USP45: variants seen among roughly 807,000 people sequenced by gnomAD.
USP45 encodes ubiquitin carboxyl-terminal hydrolase 45.
Under a neutral mutation model 95.8 loss-of-function variants are expected in USP45, and 89 were observed. The ratio of observed to expected loss-of-function variants is 0.93; its 90% CI spans 0.78 to 1.11. USP45 has a LOEUF of 1.11. Ranked by LOEUF, USP45 falls within the 50% of genes least tolerant of loss-of-function variation. The pLI, the probability that USP45 is intolerant of heterozygous loss-of-function variation, is 0.00. For missense variants in USP45, 898 were observed against 942.5 expected (o/e 0.95, Z 0.62); for synonymous variants, 281 against 316.2 (o/e 0.89, Z 1.18).
intron 13 of USP45, chr6:99,462,507 G>A: frequency 1.0e-6 from 1 of 985,102 alleles, no homozygotes; most frequent in Non-Finnish European, 1.2e-6. Context: ...CACAATTAAT[G>A]CTTTAACCTT....
chr6:99,509,209 T>C (rs1220964118), intron 2 of USP45, among the ~76,000 whole-genome samples: 1 of 152,190 alleles, frequency 6.6e-6, no homozygotes, highest in Non-Finnish European at 1.5e-5. Flanking sequence ...CCTAATTTAT[T>C]AGAGTTTAAA....
chr6:99,440,362 T>C (rs748812183), intron 15 of USP45, among the ~76,000 whole-genome samples: 2 of 152,190 alleles, frequency 1.3e-5, no homozygotes. Flanking sequence ...ATGCTATATA[T>C]TACATCAATA....
At chr6:99,455,096 A>C (rs573117402) in intron 13 of USP45, among the ~76,000 whole-genome samples, 21 of 150,948 alleles carry the variant, frequency 1.4e-4, no homozygotes, top group African/African-American at 4.9e-5. Context: ...TCTCAAAAAA[A>C]AAAAAACAAA....
At chr6:99,465,573 T>C (rs941379156) in intron 11 of USP45, among the ~76,000 whole-genome samples, 1 of 152,162 alleles carries the variant, frequency 6.6e-6, no homozygotes, top group Non-Finnish European at 1.5e-5. Flanking sequence ...ACTCTCTATC[T>C]TGTGAGAGAG....
intron 13 of USP45, among the ~76,000 whole-genome samples, chr6:99,449,265 C>A (rs1783285605): frequency 6.6e-6 from 1 of 152,124 alleles, no homozygotes; most frequent in South Asian, 2.1e-4. Context: ...GTGCTGTATT[C>A]AGGAGACCCA....
intron 5 of USP45, among the ~76,000 whole-genome samples, chr6:99,496,968 T>G (rs1308488774): frequency 2.0e-5 from 3 of 152,160 alleles, no homozygotes; most frequent in Non-Finnish European, 4.4e-5. Flanking sequence ...CAGGGTTCAC[T>G]CTTGGCAGTG....
intron 7 of USP45, among the ~76,000 whole-genome samples, chr6:99,483,566 C>T (rs1792957049): frequency 6.6e-6 from 1 of 152,240 alleles, no homozygotes; most frequent in Non-Finnish European, 1.5e-5. Flanking sequence ...CGGCCGGGCG[C>T]GGTGGCTCAC....
chr6:99,512,789 C>T (rs1180206421), intron 1 of USP45, among the ~76,000 whole-genome samples: 1 of 152,046 alleles, frequency 6.6e-6, no homozygotes, highest in African/African-American at 2.4e-5. Flanking sequence ...GTTCCTTGAG[C>T]ACTTCATCTC....
Position 99,488,189 on chromosome 6 carries a change from T to C in USP45, c.714+11A>G. The stretch of plus-strand genomic sequence containing the variant: ...CTGAAAGCAGCTATTATTCAAACAG[T>C]TATTACTCACCAGCTGAGAGTCTGA... On this transcript the variant is annotated intron_variant, in intron 7 of 17. Transcript: ENST00000500704. 1 of 1,577,298 alleles carries C rather than the reference T, an allele frequency of 6.3e-7. No individual in the cohort carries two copies. The highest frequency in any genetic ancestry group is 8.7e-7 in the Non-Finnish European group (1 of 1,148,242).
At position 99,446,114 on chromosome 6, in the gene USP45, T is replaced by G. The variant is rs555461597; in HGVS notation, c.1658A>C (p.Lys553Thr). 3.1e-6 allele frequency: 5 copies of G among 1,614,154 alleles called. No individual in the cohort carries two copies. The South Asian group carries it at 3.3e-5, about 11-fold the overall frequency. The change falls in exon 14 of 18, where the codon AAG (lysine) becomes ACG (threonine). Residue 553 changes from lysine (K) to threonine (T), a missense_variant. Transcript: ENST00000500704. Reference sequence around the variant, plus strand: ...TTCAGAAATAGCTTCTGCCATTTCCTTATCACCACTGTCAGTCTCCTTGGT... The same window carrying G: ...TTCAGAAATAGCTTCTGCCATTTCCGTATCACCACTGTCAGTCTCCTTGGT... The part of the protein sequence containing the change: ...LYTKETDSGD[K>T]EMAEAISELR...
Position 99,507,474 on chromosome 6 carries a change from T to C in USP45, c.331A>G (p.Thr111Ala). The C allele has an allele frequency of 6.2e-7, 1 of 1,613,488 alleles. No homozygotes were observed. The highest frequency in any genetic ancestry group is 1.1e-5 in the South Asian group (1 of 90,904). ...TTAATTATAATACAATGGGGCTCTG[T>C]TCTGGAACTCTTAAAGTGCTTCAAT... is the stretch of plus-strand genomic sequence containing the variant. ...HSLKHFKSSR[T>A]EPHCIIINLS... The change falls in exon 4 of 18, where the codon ACA (threonine) becomes GCA (alanine). Residue 111 changes from threonine to alanine, a missense_variant. Physicochemically the swap from Thr to Ala is moderately conservative, Grantham distance 58. Coordinates refer to ENST00000500704, the MANE Select transcript of USP45 (RefSeq NM_001346022.3).
intron 5 of USP45, among the ~76,000 whole-genome samples, chr6:99,495,544 AT>A (rs1339509550): frequency 6.6e-6 from 1 of 152,238 alleles, no homozygotes; most frequent in Admixed American, 6.5e-5. Context: ...AAACTGAGGT[AT>A]ACTGCTGGTT....
At chr6:99,441,718 G>A (rs927239100) in intron 15 of USP45, among the ~76,000 whole-genome samples, 2 of 152,036 alleles carry the variant, frequency 1.3e-5, no homozygotes, top group Admixed American at 1.3e-4. Context: ...ATTTTATTTT[G>A]CCTTTCTTTT....
At chr6:99,504,624 G>A (rs1312515958) in intron 4 of USP45, among the ~76,000 whole-genome samples, 1 of 152,098 alleles carries the variant, frequency 6.6e-6, no homozygotes, top group African/African-American at 2.4e-5. Context: ...GGAGGGAAAG[G>A]GAAGTGTCAA....
Position 99,466,347 on chromosome 6 carries a change from G to A in USP45, c.1107+325C>T, listed in dbSNP as rs994714294. On this transcript the variant is annotated intron_variant, in intron 11 of 17. Coordinates refer to ENST00000500704, the MANE Select transcript of USP45 (RefSeq NM_001346022.3). ...GAATTACATTTTAGGGCACTGCAAC[G>A]TAGCACAGTTACTCTCTTCACAGAA... is the stretch of plus-strand genomic sequence containing the variant. 4.6e-5 allele frequency among the ~76,000 whole-genome samples: 7 copies of A among 152,064 alleles called. 1 individual carries two copies. The highest frequency in any genetic ancestry group is 8.8e-5 in the Non-Finnish European group (6 of 67,990).
rs146737237 is a variant in USP45, at chr6:99,489,418, C to G, written c.479-598G>C. 9.4e-3 allele frequency among the ~76,000 whole-genome samples: 1,423 copies of G among 152,150 alleles called. 13 individuals carry two copies. Among genetic ancestry groups the G allele is most frequent in the South Asian group, 0.018 (88 of 4,818 alleles). On this transcript the variant is annotated intron_variant, in intron 5 of 17. Transcript: ENST00000500704. ...TGAGAAAAAGTAGGGAAGAGACTTC[C>G]TTATAAGAGAATGCCAGCTAATAGA...
At chr6:99,464,054 C>A (rs1787252496) in intron 13 of USP45, among the ~76,000 whole-genome samples, 1 of 151,860 alleles carries the variant, frequency 6.6e-6, no homozygotes, top group African/African-American at 2.4e-5. Context: ...CTCCTGTAAT[C>A]CCAGCGCTTT....
chr6:99,495,359 G>A (rs939267035), intron 5 of USP45, among the ~76,000 whole-genome samples: 91 of 152,336 alleles, frequency 6.0e-4, no homozygotes, highest in South Asian at 1.4e-3. Context: ...GTGTATTTGT[G>A]AATTGCCTTG....
intron 1 of USP45, among the ~76,000 whole-genome samples, chr6:99,514,074 T>A (rs1418972283): frequency 6.6e-6 from 1 of 152,170 alleles, no homozygotes; most frequent in Non-Finnish European, 1.5e-5. Flanking sequence ...TGGCTGAGGA[T>A]CTCCGTGATC....
Sources: allele counts gnomAD v4.1 joint callset (sites outside exome capture counted in the v4.1 genomes callset), GRCh38; gene constraint gnomAD v4.1.1; transcripts MANE v1.5; gene names NCBI Gene and HGNC (gene_info 2026-07-23, HGNC 2026-07-21).